Variants in DHRSX observed in about 807,000 individuals in gnomAD.
The protein encoded by DHRSX is dehydrogenase/reductase X-linked.
In DHRSX, 31 loss-of-function variants were observed where a neutral mutation model predicts 34.0. The observed-to-expected ratio is 0.91, with a 90% confidence interval of 0.69 to 1.23. DHRSX has a LOEUF of 1.23. Among genes scored for constraint, DHRSX ranks in the 50% most tolerant of loss-of-function variants. The pLI is 0.00. For synonymous variants in DHRSX, 201 were observed against 183.8 expected, an observed-to-expected ratio of 1.09 and a Z score of -0.76; for missense variants, 414 against 428.1, an observed-to-expected ratio of 0.97 and a Z score of 0.29.
rs867234184 is a variant in DHRSX, at chrX:2,362,792, C to T, written c.286+45953G>A. On this transcript the variant is annotated intron_variant, in intron 3 of 6. Coordinates refer to ENST00000334651, the MANE Select transcript of DHRSX (RefSeq NM_145177.3). ...TTATCACCGTTCTATGGTATCATGC[C>T]GCCATTTTATCACCGTTCTATGGTA... is the stretch of plus-strand genomic sequence containing the variant. Among the ~76,000 whole-genome samples, 972 of 139,226 alleles carry T rather than the reference C, an allele frequency of 7.0e-3. 16 individuals carry two copies. Among genetic ancestry groups the T allele is most frequent in the African/African-American group, 0.027 (929 of 34,806 alleles). 91.3% of individuals were successfully genotyped at this position (139,226 alleles called of 152,430 possible).
In DHRSX at chrX:2,460,525, C is replaced by G. The variant is rs1469864142; in HGVS notation, c.110-35221G>C. Among the ~76,000 whole-genome samples the G allele has an allele frequency of 4.6e-5, 7 of 152,000 alleles. No individual in the cohort carries two copies. The South Asian group carries it at 8.3e-4, about 18-fold the overall frequency. Reference sequence around the variant, plus strand: ...CTCAGCCTCCTTGGGCTCAAGCGATCCTTCAGCCTCAGCCTCCCAAGTAGC... The same window carrying G: ...CTCAGCCTCCTTGGGCTCAAGCGATGCTTCAGCCTCAGCCTCCCAAGTAGC... On this transcript the variant is annotated intron_variant, in intron 1 of 6. Coordinates refer to ENST00000334651, the MANE Select transcript of DHRSX (RefSeq NM_145177.3).
intron 3 of DHRSX, among the ~76,000 whole-genome samples, chrX:2,405,451 G>T (rs912823791): frequency 3.9e-5 from 6 of 152,062 alleles, no homozygotes. Flanking sequence ...TCACATTGCT[G>T]CACTCCAGCC....
intron 1 of DHRSX, among the ~76,000 whole-genome samples, chrX:2,470,938 C>T (rs933489481): frequency 6.6e-6 from 1 of 152,130 alleles, no homozygotes; most frequent in Admixed American, 6.5e-5. Context: ...TGTTAATTAG[C>T]TTCAATGTTA....
rs1232738130 is a variant in DHRSX at position 2,488,788 on chromosome X, C to T, written c.109+12029G>A. The stretch of plus-strand genomic sequence containing the variant: ...TCCGGGCGTTCTCATACAGAAACAC[C>T]TGCTCGTCCACGTGCGCGGGAGCCA... On this transcript the variant is annotated intron_variant, in intron 1 of 6. Coordinates refer to ENST00000334651, the MANE Select transcript of DHRSX (RefSeq NM_145177.3). The T allele has an allele frequency of 3.1e-6, 5 of 1,613,848 alleles. No individual in the cohort carries two copies. In the East Asian group the frequency reaches 1.1e-4, roughly 36 times the overall value.
chrX:2,449,770 C>G (rs756292697), intron 1 of DHRSX, among the ~76,000 whole-genome samples: 40 of 152,292 alleles, frequency 2.6e-4, no homozygotes, highest in Non-Finnish European at 5.0e-4. Context: ...CCTCCCACCT[C>G]TGCCTCCTGA....
chrX:2,492,372 G>C (rs1239296431), intron 1 of DHRSX, among the ~76,000 whole-genome samples: 1 of 151,912 alleles, frequency 6.6e-6, no homozygotes, highest in Non-Finnish European at 1.5e-5. Context: ...CACAAACCCA[G>C]AACGCCTGGA....
At chrX:2,310,528 C>CTG (rs34128259) in intron 3 of DHRSX, among the ~76,000 whole-genome samples, 55,843 of 149,184 alleles carry the variant, frequency 0.37, 12,419 homozygotes, top group Non-Finnish European at 0.52. Context: ...CGAGATTATT[C>CTG]TGTGTGTGTG....
chrX:2,427,427 G>A (rs1277435575), intron 1 of DHRSX, among the ~76,000 whole-genome samples: 1 of 152,174 alleles, frequency 6.6e-6, no homozygotes, highest in Non-Finnish European at 1.5e-5. Flanking sequence ...TTGAGCTGGA[G>A]GAAGACAAGG....
At chrX:2,373,681 G>A (rs1355845971) in intron 3 of DHRSX, among the ~76,000 whole-genome samples, 2 of 152,158 alleles carry the variant, frequency 1.3e-5, no homozygotes, top group Non-Finnish European at 2.9e-5. Context: ...AGTTTTCAGG[G>A]CTGAGCTGCC....
rs200356760 is a variant in DHRSX, at chrX:2,243,202, C to T, written c.625G>A (p.Ala209Thr). The T allele has an allele frequency of 4.3e-5, 69 of 1,613,782 alleles. No individual in the cohort carries two copies. In the South Asian group the frequency reaches 6.7e-4, roughly 16 times the overall value. Residue 209 changes from alanine to threonine, a missense_variant, in exon 6 of 7, where the codon GCC becomes ACC. Transcript: ENST00000334651. ...SACYSPHAAY[A>T]QSKLALVLFT... ...AGGACAAGGGCCAGCTTGCTCTGGGCGTAGGCTGCGTGGGGTGAGTAGCAG... is the reference window on the plus strand; with the variant it reads ...AGGACAAGGGCCAGCTTGCTCTGGGTGTAGGCTGCGTGGGGTGAGTAGCAG...
intron 5 of DHRSX, among the ~76,000 whole-genome samples, chrX:2,253,105 T>C (rs941097317): frequency 6.6e-6 from 1 of 152,210 alleles, no homozygotes; most frequent in African/African-American, 2.4e-5. Context: ...AGCAGATCAT[T>C]TGAGCCTGGG....
intron 3 of DHRSX, among the ~76,000 whole-genome samples, chrX:2,364,755 G>A (rs145477533): frequency 1.7e-3 from 257 of 151,526 alleles, no homozygotes; most frequent in Non-Finnish European, 3.2e-3. Flanking sequence ...ATCTATCTTT[G>A]ATCATTATAT....
intron 1 of DHRSX, among the ~76,000 whole-genome samples, chrX:2,472,220 T>C (rs111257936): frequency 0.21 from 31,587 of 151,164 alleles, 4,490 homozygotes; most frequent in African/African-American, 0.4. Context: ...TTAGCAAACT[T>C]ACACAGGAAC....
At chrX:2,430,941 C>T (rs762960930) in intron 1 of DHRSX, among the ~76,000 whole-genome samples, 2 of 152,160 alleles carry the variant, frequency 1.3e-5, no homozygotes, top group East Asian at 1.9e-4. Flanking sequence ...CAGAGGATCA[C>T]GCAAGACTGG....
rs11449377 is a variant in DHRSX, at chrX:2,438,672, T to TAAA, written c.110-13371_110-13369dup. 6.9e-4 allele frequency among the ~76,000 whole-genome samples: 97 copies of TAAA among 141,508 alleles called. 1 individual carries two copies. The highest frequency in any genetic ancestry group is 3.7e-3 in the Middle Eastern group (1 of 272). 92.8% of individuals were successfully genotyped at this position (141,508 alleles called of 152,430 possible). ...GACAGAGCAAGACTCCATCTCAAAA[T>TAAA]AAAAAAAAAAAAAATGGTCGTTCAT... On this transcript the variant is annotated intron_variant, in intron 1 of 6. Transcript: ENST00000334651.
intron 6 of DHRSX, among the ~76,000 whole-genome samples, chrX:2,222,212 A>G (rs1465425905): frequency 6.6e-6 from 1 of 152,244 alleles, no homozygotes; most frequent in African/African-American, 2.4e-5. Context: ...CAACACAAAC[A>G]GACTAAGACA....
At chrX:2,427,576 T>C (rs1314737653) in intron 1 of DHRSX, among the ~76,000 whole-genome samples, 2 of 152,084 alleles carry the variant, frequency 1.3e-5, no homozygotes, top group African/African-American at 4.8e-5. Flanking sequence ...GGAGTCAGAC[T>C]TCTCGCGTTC....
chrX:2,247,012 C>T (rs1265423566), intron 5 of DHRSX, among the ~76,000 whole-genome samples: 1 of 151,856 alleles, frequency 6.6e-6, no homozygotes, highest in Non-Finnish European at 1.5e-5. Context: ...GCAGTGGCGC[C>T]ATCTCAGCTC....
At position 2,441,565 on chromosome X, in the gene DHRSX, G is replaced by C. The variant is rs182410778; in HGVS notation, c.110-16261C>G. 1.4e-3 allele frequency among the ~76,000 whole-genome samples: 211 copies of C among 152,278 alleles called. 1 individual carries two copies. Among genetic ancestry groups the C allele is most frequent in the African/African-American group, 4.6e-3 (193 of 41,554 alleles). On this transcript the variant is annotated intron_variant, in intron 1 of 6. Transcript: ENST00000334651. ...TGCAGGGTAGACCAGCAGGCCAGAT[G>C]CCCATGGAGACATGATGTCGCAGCT...
Sources: gnomAD v4.1 joint callset for allele counts (sites outside exome capture counted in the v4.1 genomes callset) on GRCh38, gnomAD v4.1.1 for gene constraint, MANE v1.5 for transcripts, NCBI Gene and HGNC (gene_info 2026-07-23, HGNC 2026-07-21) for gene names.